The following DOCK6 variants were observed in gnomAD, a reference collection of about 807,000 sequenced individuals.
DOCK6 encodes the protein dedicator of cytokinesis 6, also known as dedicator of cytokinesis protein 6.
A neutral mutation model predicts 230.3 loss-of-function variants in DOCK6; 167 were observed. That is an observed-to-expected ratio of 0.73 (90% confidence interval 0.64 to 0.82). DOCK6 has a LOEUF of 0.82. Ranked by LOEUF, DOCK6 falls within the 40% of genes least tolerant of loss-of-function variation. The pLI is 0.00. For missense variants in DOCK6, 2,598 were observed against 2,825.8 expected (o/e 0.92, Z 1.83); for synonymous variants, 1,148 against 1,185.0 (o/e 0.97, Z 0.64).
At chr19:11,234,827 T>G (rs1311180022) in intron 21 of DOCK6, among the ~76,000 whole-genome samples, 4 of 152,200 alleles carry the variant, frequency 2.6e-5, no homozygotes, top group African/African-American at 9.6e-5. Context: ...GGGGCAAAAG[T>G]GGGCAAAACA....
At position 11,201,750 on chromosome 19, in the gene DOCK6, T is replaced by C. The variant is rs2079171456; in HGVS notation, c.5688+139A>G. ...CCCTCCCTGGGGATCTGGTCTAGGG[T>C]CCCTGTGCCACCCCTCTCTGGGTCT... On this transcript the variant is annotated intron_variant, in intron 44 of 47. Coordinates refer to ENST00000294618, the MANE Select transcript of DOCK6 (RefSeq NM_020812.4). The surrounding 1 kb of genome is among the most constrained non-coding windows in gnomAD (Gnocchi z 4.3). The C allele has an allele frequency of 6.4e-6, 5 of 786,696 alleles. No homozygotes were observed. The highest frequency in any genetic ancestry group is 1.7e-5 in the South Asian group (1 of 57,908). The allele number at this position is 786,696 out of a possible 1,614,324, so 48.7% of individuals were successfully genotyped here. A position where few individuals can be genotyped will look rare whatever the true frequency, so the allele number is the denominator to read the frequency against.
intron 22 of DOCK6, chr19:11,232,280 G>A (rs2079777441): frequency 7.8e-7 from 1 of 1,289,608 alleles, no homozygotes; most frequent in Non-Finnish European, 1.0e-6. Flanking sequence ...GAGTGTGAGC[G>A]ATCGATGCCC....
rs371213082 is a variant in DOCK6 at position 11,209,016 on chromosome 19, G to A, written c.4839C>T (p.His1613=). ...MAGKHAELGN[H]AEAAQCMVHA... is the part of the protein sequence containing the mutation. Reference sequence around the variant, plus strand: ...GCACCATGCACTGGGCGGCCTCGGCGTGGTTGCCCAGCTCCGCGTGCTTCC... The same window carrying A: ...GCACCATGCACTGGGCGGCCTCGGCATGGTTGCCCAGCTCCGCGTGCTTCC... Residue 1613 remains histidine, a synonymous_variant, in exon 38 of 48, where the codon CAC becomes CAT. Transcript: ENST00000294618. 636 of 1,611,812 alleles carry A rather than the reference G, an allele frequency of 3.9e-4. 1 individual carries two copies. The highest frequency in any genetic ancestry group is 3.5e-4 in the Non-Finnish European group (408 of 1,179,244).
chr19:11,255,552 G>C (rs551529162), intron 1 of DOCK6, among the ~76,000 whole-genome samples: 2 of 152,136 alleles, frequency 1.3e-5, no homozygotes, highest in East Asian at 3.9e-4. Flanking sequence ...GAGCTCAAGC[G>C]ATCTGCCCGC....
rs1449559322 is a variant in DOCK6, at chr19:11,209,026, A to C, written c.4829T>G (p.Leu1610Arg). The C allele has an allele frequency of 6.2e-7, 1 of 1,611,928 alleles. No individual in the cohort carries two copies. The highest frequency in any genetic ancestry group is 8.5e-7 in the Non-Finnish European group (1 of 1,179,306). The change falls in exon 38 of 48, where the codon CTG becomes CGG. Residue 1610 changes from leucine (L) to arginine (R), a missense_variant. Leu to Arg is a moderately radical substitution (Grantham distance 102, BLOSUM62 -2). Coordinates refer to ENST00000294618, the MANE Select transcript of DOCK6 (RefSeq NM_020812.4). ...CTGGGCGGCCTCGGCGTGGTTGCCC[A>C]GCTCCGCGTGCTTCCCGGCCATGTT... ...LQNMAGKHAE[L>R]GNHAEAAQCM... is the part of the protein sequence containing the mutation.
chr19:11,210,720 T>G (rs535155522), intron 37 of DOCK6, among the ~76,000 whole-genome samples: 3 of 127,782 alleles, frequency 2.3e-5, no homozygotes, highest in African/African-American at 9.0e-5. Flanking sequence ...TGTCCATCCT[T>G]TCACTGTCTC....
chr19:11,248,335 T>C (rs1005891904), intron 6 of DOCK6, among the ~76,000 whole-genome samples, 184 bp from the exon 7 acceptor site: 3 of 152,146 alleles, frequency 2.0e-5, no homozygotes, highest in South Asian at 4.1e-4. Flanking sequence ...CACTCCTCCT[T>C]GTCTCGCTAA....
intron 34 of DOCK6, among the ~76,000 whole-genome samples, chr19:11,213,737 C>T (rs1403506434): frequency 6.6e-6 from 1 of 151,752 alleles, no homozygotes; most frequent in African/African-American, 2.4e-5. Context: ...CCTCAGCCTC[C>T]CTAGTAGCTC....
intron 1 of DOCK6, among the ~76,000 whole-genome samples, chr19:11,255,307 CTTTT>C (rs34628990): frequency 3.7e-5 from 5 of 135,978 alleles, no homozygotes; most frequent in Admixed American, 1.5e-4. Flanking sequence ...TCCCGGCCTA[CTTTT>C]TTTTTTTTTT....
chr19:11,262,504 T>C lies in DOCK6; in HGVS notation c.-64A>G. ...CCCGCCGCCGCCGCCGCCTCCCGGT[T>C]CTGGGCAGCCGGGGCGGGGCGGGGC... On this transcript the variant is annotated 5_prime_UTR_variant, in exon 1 of 48. Transcript: ENST00000294618. 1.0e-6 allele frequency: 1 copy of C among 1,004,328 alleles called. No individual in the cohort carries two copies. The highest frequency in any genetic ancestry group is 1.2e-6 in the Non-Finnish European group (1 of 841,566). The allele number at this position is 1,004,328 out of a possible 1,614,324, so 62.2% of individuals were successfully genotyped here.
chr19:11,216,875 G>C (rs781391115), intron 30 of DOCK6, 39 bp downstream of exon 30: 6 of 1,605,282 alleles, frequency 3.7e-6, no homozygotes, highest in Middle Eastern at 1.7e-4. Context: ...TACATCCTTA[G>C]CCTGCCTCCT....
rs1477557820 is a variant in DOCK6 at position 11,199,617 on chromosome 19, C to T, written c.6102-78G>A. 2.2e-6 allele frequency: 3 copies of T among 1,354,552 alleles called. No individual in the cohort carries two copies. The African/African-American group carries it at 4.4e-5, about 20-fold the overall frequency. The allele number at this position is 1,354,552 out of a possible 1,614,324, so 83.9% of individuals were successfully genotyped here. On this transcript the variant is annotated intron_variant, in intron 47 of 47. Transcript: ENST00000294618. ...AGACCTCCCAGCCCACATCCTCTTC[C>T]TCCTCCTCCTCGTCTTCCTCCAAGG...
chr19:11,252,924 A>C lies in DOCK6; in HGVS notation c.167T>G (p.Phe56Cys). The C allele has an allele frequency of 6.2e-7, 1 of 1,612,288 alleles. No homozygotes were observed. The highest frequency in any genetic ancestry group is 8.5e-7 in the Non-Finnish European group (1 of 1,179,218). ...PLTEVVEPLD[F>C]EDVLLSRPPD... ...TGGCCGGCTCAGAAGTACATCCTCA[A>C]AGTCCAGGGGCTCGACAACTTCAGT... Residue 56 changes from phenylalanine to cysteine, a missense_variant, in exon 3 of 48, where the codon TTT becomes TGT. Phe to Cys is a radical substitution (Grantham distance 205). Transcript: ENST00000294618.
intron 28 of DOCK6, among the ~76,000 whole-genome samples, chr19:11,218,584 A>T (rs774728962): frequency 1.3e-5 from 2 of 152,168 alleles, no homozygotes; most frequent in Non-Finnish European, 2.9e-5. Flanking sequence ...AGTAGTTGGA[A>T]CTGCAGGTGC....
chr19:11,225,417 G>A (rs930257413), intron 24 of DOCK6, among the ~76,000 whole-genome samples: 4 of 152,090 alleles, frequency 2.6e-5, no homozygotes, highest in African/African-American at 7.2e-5. Context: ...GGGCCAGAAC[G>A]CCATTTCAAA....
At chr19:11,207,066 C>G (rs2079274274) in intron 39 of DOCK6, among the ~76,000 whole-genome samples, 1 of 152,106 alleles carries the variant, frequency 6.6e-6, no homozygotes, top group South Asian at 2.1e-4. Context: ...AACTCCTGAC[C>G]TCGTGATCCG....
At chr19:11,249,568 T>A (rs1264608545) in intron 6 of DOCK6, among the ~76,000 whole-genome samples, 2 of 150,882 alleles carry the variant, frequency 1.3e-5, no homozygotes, top group East Asian at 4.0e-4. Flanking sequence ...GATGGTTGGA[T>A]AAATATAGGA....
chr19:11,227,590 G>T, intron 23 of DOCK6, 113 bp from the exon 24 acceptor site: 1 of 1,301,924 alleles, frequency 7.7e-7, no homozygotes, highest in Non-Finnish European at 1.0e-6. Context: ...GACTGTGGGT[G>T]GGGCTTGAAG....
chr19:11,209,448 C>T (rs1017209673), intron 37 of DOCK6, among the ~76,000 whole-genome samples: 18 of 151,876 alleles, frequency 1.2e-4, no homozygotes, highest in Non-Finnish European at 1.5e-5. Context: ...TCCTACTCAC[C>T]TGTCTATCCC....
Sources: gnomAD v4.1 joint callset for allele counts (sites outside exome capture counted in the v4.1 genomes callset) on GRCh38, gnomAD v4.1.1 for gene constraint, Gnocchi (gnomAD v3.1) non-coding constraint, MANE v1.5 for transcripts, NCBI Gene and HGNC (gene_info 2026-07-23, HGNC 2026-07-21) for gene names.